KAT6A: variants seen among roughly 807,000 people sequenced by gnomAD.
KAT6A encodes the protein lysine acetyltransferase 6A.
KAT6A carries 9 observed loss-of-function variants against 198.4 expected under a neutral mutation model. The observed-to-expected ratio is 0.05, with a 90% CI of 0.03 to 0.08. The LOEUF is 0.08. Ranked by LOEUF, KAT6A falls within the 10% of genes least tolerant of loss-of-function variation. KAT6A has a pLI of 1.00. For missense variants in KAT6A, 2,077 were observed against 2,509.9 expected, an observed-to-expected ratio of 0.83 and a Z score of 3.69; for synonymous variants, 890 against 883.0, an observed-to-expected ratio of 1.01 and a Z score of -0.14.
In KAT6A at chr8:41,977,028, C is replaced by T. The variant is rs1400688308; in HGVS notation, c.1343G>A (p.Ser448Asn). 1.9e-6 allele frequency: 3 copies of T among 1,608,842 alleles called. No individual in the cohort carries two copies. The highest frequency in any genetic ancestry group is 3.4e-5 in the Admixed American group (2 of 59,666). ...RIRKRGNRKS[S>N]TSDWPTDNQD... is the part of the protein sequence containing the mutation. Reference sequence around the variant, plus strand: ...CTTACCTGTGGGCCAATCTGAAGTGCTTGATTTCCTGTTGCCCCTCTTTCT... The same window carrying T: ...CTTACCTGTGGGCCAATCTGAAGTGTTTGATTTCCTGTTGCCCCTCTTTCT... The change falls in exon 7 of 17, where the codon AGC (serine) becomes AAC (asparagine). Residue 448 changes from serine (S) to asparagine (N), a missense_variant. Transcript: ENST00000265713.
At position 41,942,858 on chromosome 8, in the gene KAT6A, C is replaced by G. The variant is rs767629485; in HGVS notation, c.2371G>C (p.Glu791Gln). 1 of 1,614,176 alleles carries G rather than the reference C, an allele frequency of 6.2e-7. No homozygotes were observed. ...VSNSVVSEEE[E>Q]EEAEEGENEE... Reference sequence around the variant, plus strand: ...TTTTCTCCTTCCTCAGCCTCCTCTTCTTCCTCCTCTGAGACCACAGAGTTG... The same window carrying G: ...TTTTCTCCTTCCTCAGCCTCCTCTTGTTCCTCCTCTGAGACCACAGAGTTG... The change falls in exon 14 of 17, where the codon GAA (glutamate) becomes CAA (glutamine). Residue 791 changes from glutamate (E) to glutamine (Q), a missense_variant. By Grantham distance (29) the Glu-to-Gln change is conservative (BLOSUM62 2). This residue lies in a region of KAT6A where 301 missense variants were observed against 272.2 expected (regional missense o/e 1.11). Transcript: ENST00000265713.
intron 2 of KAT6A, among the ~76,000 whole-genome samples, chr8:41,990,994 C>CAA (rs61543371): frequency 1.8e-3 from 143 of 80,572 alleles, no homozygotes; most frequent in Middle Eastern, 0.013. Flanking sequence ...GACTCCGTCT[C>CAA]AAAAAAAAAA....
chr8:41,974,859 C>T (rs1254443417), intron 7 of KAT6A, 37 bp from the exon 8 acceptor site: 1 of 1,303,796 alleles, frequency 7.7e-7, no homozygotes, highest in African/African-American at 1.5e-5. Context: ...TTAACTGTCC[C>T]CAGATTAATA....
chr8:41,933,365 TCATGCTGCAGCTGCTGCC>T lies in KAT6A; in HGVS notation c.4837_4854del (p.Gly1613_Met1618del). On this transcript the variant is annotated inframe_deletion, in exon 17 of 17. Coordinates refer to ENST00000265713, the MANE Select transcript of KAT6A (RefSeq NM_006766.5). This position sits in a 1 kb window ranked among gnomAD's most constrained non-coding sequence, Gnocchi z 6.2. ...GCAGGCTGGACGCTGCTCTGCTGCA[TCATGCTGCAGCTGCTGCC>T]CATGCTGGCCATCTGCTGAGTGACC... 1.3e-6 allele frequency: 2 copies of T among 1,595,840 alleles called. No homozygotes were observed. Among genetic ancestry groups the T allele is most frequent in the Non-Finnish European group, 8.5e-7 (1 of 1,173,674 alleles).
At chr8:41,989,320 C>T (rs1052987219) in intron 2 of KAT6A, among the ~76,000 whole-genome samples, 2 of 152,022 alleles carry the variant, frequency 1.3e-5, no homozygotes, top group Non-Finnish European at 2.9e-5. Context: ...ACCAGCATGG[C>T]CAACATGGTG....
chr8:42,012,854 C>T (rs894347674), intron 2 of KAT6A, among the ~76,000 whole-genome samples: 3 of 152,150 alleles, frequency 2.0e-5, no homozygotes, highest in African/African-American at 7.2e-5. Flanking sequence ...GGTGTACCTA[C>T]CACACCATGG....
At position 41,941,129 on chromosome 8, in the gene KAT6A, CTTCACT is replaced by C. The variant is rs1564010585; in HGVS notation, c.2746_2751del (p.Ser916_Glu917del). On this transcript the variant is annotated inframe_deletion, in exon 15 of 17. Transcript: ENST00000265713. ...TGCTCCTCAGAAGCCACCAGCTGTT[CTTCACT>C]TTCAGTGTATTGTTCCTGGGTGGCT... 1.2e-6 allele frequency: 2 copies of C among 1,614,216 alleles called. No individual in the cohort carries two copies. Among genetic ancestry groups the C allele is most frequent in the Non-Finnish European group, 1.7e-6 (2 of 1,180,036 alleles).
intron 2 of KAT6A, among the ~76,000 whole-genome samples, chr8:42,023,006 T>G (rs528179960): frequency 1.3e-5 from 2 of 152,332 alleles, no homozygotes; most frequent in Admixed American, 1.3e-4. Flanking sequence ...CTAGACTGTA[T>G]AGCTTACTAC....
chr8:42,002,369 T>C lies in KAT6A; in HGVS notation c.601-14806A>G, dbSNP rs1396322297. On this transcript the variant is annotated intron_variant, in intron 2 of 16. Transcript: ENST00000265713. Reference sequence around the variant, plus strand: ...ACAAAACAAAACAAAACAATCAGCCTGGCAAACACGGCAAAACCCCATCTC... The same window carrying C: ...ACAAAACAAAACAAAACAATCAGCCCGGCAAACACGGCAAAACCCCATCTC... Among the ~76,000 whole-genome samples, 3 of 152,204 alleles carry C rather than the reference T, an allele frequency of 2.0e-5. No individual in the cohort carries two copies. In the South Asian group the frequency reaches 6.2e-4, roughly 32 times the overall value.
intron 14 of KAT6A, among the ~76,000 whole-genome samples, chr8:41,941,879 T>C (rs1236622682): frequency 6.6e-6 from 1 of 152,158 alleles, no homozygotes; most frequent in Non-Finnish European, 1.5e-5. Context: ...TTTAATAAAA[T>C]TTCTCAGAAA....
At chr8:41,980,191 G>GA (rs1417420811) in intron 5 of KAT6A, among the ~76,000 whole-genome samples, 2 of 151,878 alleles carry the variant, frequency 1.3e-5, no homozygotes, top group Non-Finnish European at 2.9e-5. Context: ...TCTGGCTGAA[G>GA]TTTTTTTTAA....
At chr8:42,030,281 G>A (rs1564076587) in intron 2 of KAT6A, among the ~76,000 whole-genome samples, 1 of 152,066 alleles carries the variant, frequency 6.6e-6, no homozygotes, top group Non-Finnish European at 1.5e-5. Context: ...AGATCACTGG[G>A]GATCTGTCTC....
chr8:41,957,550 C>T, intron 8 of KAT6A: 1 of 252,568 alleles, frequency 4.0e-6, no homozygotes, highest in Non-Finnish European at 8.0e-6. Flanking sequence ...ATCAAGGGCA[C>T]AAAATATATT....
intron 2 of KAT6A, among the ~76,000 whole-genome samples, chr8:42,006,418 T>C (rs566247517): frequency 6.6e-6 from 1 of 152,364 alleles, no homozygotes; most frequent in East Asian, 1.9e-4. Context: ...CATCTTACGT[T>C]ACGTCACCTC....
chr8:42,026,853 G>A (rs1429577912), intron 2 of KAT6A, among the ~76,000 whole-genome samples: 3 of 152,074 alleles, frequency 2.0e-5, no homozygotes, highest in Non-Finnish European at 4.4e-5. Flanking sequence ...AATTCTTAGA[G>A]AAAAGGCTTT....
intron 8 of KAT6A, among the ~76,000 whole-genome samples, chr8:41,970,143 CTG>C (rs1353090645): frequency 3.3e-5 from 5 of 152,164 alleles, no homozygotes; most frequent in South Asian, 4.1e-4. Context: ...AAGGCAGAGT[CTG>C]TGTCTTTTTG....
At chr8:42,017,858 C>G (rs998401735) in intron 2 of KAT6A, among the ~76,000 whole-genome samples, 12 of 152,152 alleles carry the variant, frequency 7.9e-5, no homozygotes, top group Non-Finnish European at 1.3e-4. Context: ...ATAAGCTCCA[C>G]GAGGGCAGGG....
chr8:42,042,110 T>C (rs1263576576), intron 2 of KAT6A, among the ~76,000 whole-genome samples: 1 of 152,234 alleles, frequency 6.6e-6, no homozygotes, highest in African/African-American at 2.4e-5. Context: ...ACTATAAAGG[T>C]CATTTCCAAA....
intron 2 of KAT6A, among the ~76,000 whole-genome samples, chr8:42,022,631 T>A (rs924103051): frequency 2.6e-5 from 4 of 152,176 alleles, no homozygotes; most frequent in Admixed American, 2.6e-4. Flanking sequence ...CACATACTGG[T>A]GATGACTCTC....
Sources: gnomAD v4.1 joint callset for allele counts (sites outside exome capture counted in the v4.1 genomes callset) on GRCh38, gnomAD v4.1.1 for gene constraint, gnomAD v4.1.1 regional missense constraint, Gnocchi (gnomAD v3.1) non-coding constraint, MANE v1.5 for transcripts, NCBI Gene and HGNC (gene_info 2026-07-23, HGNC 2026-07-21) for gene names.